Variants in WSCD2 observed in about 807,000 individuals in gnomAD.
The protein encoded by WSCD2 is sialate:O-sulfotransferase 2.
WSCD2 carries 28 observed loss-of-function variants against 55.7 expected under a neutral mutation model. The observed-to-expected ratio is 0.50, with a 90% CI of 0.37 to 0.69. The LOEUF is 0.69. Ranked by LOEUF, WSCD2 falls within the 30% of genes least tolerant of loss-of-function variation. The pLI, the probability that WSCD2 is intolerant of heterozygous loss-of-function variation, is 0.00. For missense variants in WSCD2, 616 were observed against 762.1 expected, an observed-to-expected ratio of 0.81 and a Z score of 2.26; for synonymous variants, 301 against 301.9, an observed-to-expected ratio of 1.00 and a Z score of 0.03.
intron 1 of WSCD2, among the ~76,000 whole-genome samples, chr12:108,154,084 G>T (rs963773576): frequency 6.6e-6 from 1 of 152,192 alleles, no homozygotes; most frequent in African/African-American, 2.4e-5. Flanking sequence ...GCACCAGGAG[G>T]GAAGGTCAGG....
intron 8 of WSCD2, among the ~76,000 whole-genome samples, chr12:108,244,953 A>G (rs934947139): frequency 1.3e-5 from 2 of 152,178 alleles, no homozygotes; most frequent in African/African-American, 4.8e-5. Flanking sequence ...TGCATGCACA[A>G]ACATGTATAT....
chr12:108,239,165 C>T (rs1483646763), intron 7 of WSCD2, among the ~76,000 whole-genome samples: 1 of 152,156 alleles, frequency 6.6e-6, no homozygotes, highest in East Asian at 1.9e-4. Context: ...CCCATGCTCC[C>T]CTCTTGCTAC....
chr12:108,241,804 C>T (rs1889769912), intron 8 of WSCD2, among the ~76,000 whole-genome samples: 1 of 152,192 alleles, frequency 6.6e-6, no homozygotes, highest in South Asian at 2.1e-4. Context: ...GTGATGGTAA[C>T]ATGAGTGTAT....
chr12:108,154,091 C>A (rs1346582585), intron 1 of WSCD2, among the ~76,000 whole-genome samples: 1 of 152,184 alleles, frequency 6.6e-6, no homozygotes, highest in Admixed American at 6.5e-5. Flanking sequence ...GAGGGAAGGT[C>A]AGGGCCCCCT....
chr12:108,248,871 T>A lies in WSCD2; in HGVS notation c.*528T>A, dbSNP rs1890269832. On this transcript the variant is annotated 3_prime_UTR_variant, in exon 9 of 9. Transcript: ENST00000547525. The surrounding 1 kb of genome is among the most constrained non-coding windows in gnomAD (Gnocchi z 4.3). ...ACCTTCTGTTCTAAAGAAAGATTGC[T>A]GGGAAGTTTCTCCGTGGCCTTAGGT... The A allele has an allele frequency of 1.7e-5, 17 of 988,596 alleles. No individual in the cohort carries two copies. The highest frequency in any genetic ancestry group is 2.0e-5 in the Non-Finnish European group (17 of 831,722). The allele number at this position is 988,596 out of a possible 1,614,324, so 61.2% of individuals were successfully genotyped here.
At chr12:108,190,000 C>A (rs554857876) in intron 1 of WSCD2, among the ~76,000 whole-genome samples, 16 of 152,254 alleles carry the variant, frequency 1.1e-4, no homozygotes, top group African/African-American at 3.6e-4. Flanking sequence ...GCATTTGCAC[C>A]TAATACATAT....
At chr12:108,175,819 T>G (rs1880772525) in intron 1 of WSCD2, among the ~76,000 whole-genome samples, 1 of 152,212 alleles carries the variant, frequency 6.6e-6, no homozygotes, top group African/African-American at 2.4e-5. Flanking sequence ...GGGTTAATGT[T>G]ACATGGCATT....
At chr12:108,172,021 A>G (rs1050246434) in intron 1 of WSCD2, among the ~76,000 whole-genome samples, 10 of 152,208 alleles carry the variant, frequency 6.6e-5, no homozygotes, top group African/African-American at 1.9e-4. Flanking sequence ...ACAGAGCTGC[A>G]CCATTGTTGA....
At chr12:108,150,784 G>GT (rs950097375) in intron 1 of WSCD2, among the ~76,000 whole-genome samples, 28 of 152,196 alleles carry the variant, frequency 1.8e-4, no homozygotes, top group Non-Finnish European at 3.5e-4. Flanking sequence ...GCCAAGCCCA[G>GT]TGGGGTTGCT....
chr12:108,196,002 G>C lies in WSCD2; in HGVS notation c.170G>C (p.Gly57Ala), dbSNP rs1167243661. Reference sequence around the variant, plus strand: ...CAGGCGAACCCCGCTGCTGCAGGAGGCCCAGCTGAGGGTGCTGAGCTGTCC... The same window carrying C: ...CAGGCGAACCCCGCTGCTGCAGGAGCCCCAGCTGAGGGTGCTGAGCTGTCC... ...GNQANPAAAG[G>A]PAEGAELSFL... The change falls in exon 2 of 9, where the codon GGC becomes GCC. Residue 57 changes from glycine (G) to alanine (A), a missense_variant. Transcript: ENST00000547525. The C allele has an allele frequency of 6.2e-7, 1 of 1,614,240 alleles. No homozygotes were observed. The highest frequency in any genetic ancestry group is 8.5e-7 in the Non-Finnish European group (1 of 1,180,044).
At chr12:108,175,311 G>C (rs1880673717) in intron 1 of WSCD2, among the ~76,000 whole-genome samples, 1 of 152,140 alleles carries the variant, frequency 6.6e-6, no homozygotes, top group South Asian at 2.1e-4. Flanking sequence ...ATGCACAAGT[G>C]AGCCCCATGA....
rs117101006 is a variant in WSCD2, at chr12:108,221,807, G to A, written c.683-2932G>A. Among the ~76,000 whole-genome samples the A allele has an allele frequency of 6.0e-3, 917 of 152,258 alleles. 4 individuals carry two copies. The highest frequency in any genetic ancestry group is 9.6e-3 in the Non-Finnish European group (653 of 68,032). ...CTGCATAGTTTAACTCCCAGTCCTC[G>A]TTTATATGTGGGGAAACTGAGGCCT... On this transcript the variant is annotated intron_variant, in intron 4 of 8. Transcript: ENST00000547525.
chr12:108,177,845 G>A (rs1385556413), intron 1 of WSCD2, among the ~76,000 whole-genome samples: 7 of 152,114 alleles, frequency 4.6e-5, no homozygotes, highest in African/African-American at 1.4e-4. Flanking sequence ...AGGGTGATTC[G>A]CTGAGAGGGG....
intron 7 of WSCD2, among the ~76,000 whole-genome samples, chr12:108,233,817 A>G (rs1889024258): frequency 6.6e-6 from 1 of 152,268 alleles, no homozygotes; most frequent in South Asian, 2.1e-4. Context: ...TCTCCTGGGC[A>G]TGGTGGGAGA....
At chr12:108,224,966 T>A (rs1887919741) in intron 5 of WSCD2, 106 bp downstream of exon 5, 6 of 1,477,282 alleles carry the variant, frequency 4.1e-6, no homozygotes, top group Admixed American at 4.4e-5. Context: ...TCGGGATAGA[T>A]GTAGTCGTTG....
At chr12:108,160,429 T>C (rs1370160751) in intron 1 of WSCD2, among the ~76,000 whole-genome samples, 1 of 152,216 alleles carries the variant, frequency 6.6e-6, no homozygotes, top group Non-Finnish European at 1.5e-5. Context: ...ACTGGCATTT[T>C]CTTGGCTTCT....
At chr12:108,173,805 G>T (rs1592930818) in intron 1 of WSCD2, among the ~76,000 whole-genome samples, 1 of 127,782 alleles carries the variant, frequency 7.8e-6, no homozygotes, top group Non-Finnish European at 1.6e-5. Flanking sequence ...CTGATTCCTG[G>T]CTCTCTGTGT....
chr12:108,146,813 G>A (rs1192267948), intron 1 of WSCD2, among the ~76,000 whole-genome samples: 1 of 152,202 alleles, frequency 6.6e-6, no homozygotes, highest in East Asian at 1.9e-4. Flanking sequence ...CAGAGACGCT[G>A]TGATTTTTAT....
intron 2 of WSCD2, 26 bp downstream of exon 2, chr12:108,196,240 TGA>T (rs2137050229): frequency 6.3e-7 from 1 of 1,592,256 alleles, no homozygotes; most frequent in East Asian, 2.2e-5. Flanking sequence ...ATCTGGACAC[TGA>T]GGGGCTGGGG....
Sources: allele counts gnomAD v4.1 joint callset (sites outside exome capture counted in the v4.1 genomes callset), GRCh38; gene constraint gnomAD v4.1.1; non-coding constraint Gnocchi (gnomAD v3.1); transcripts MANE v1.5; gene names NCBI Gene and HGNC (gene_info 2026-07-23, HGNC 2026-07-21).